Variants in L3MBTL4 observed in about 807,000 individuals in gnomAD.
The protein encoded by L3MBTL4 is lethal(3)malignant brain tumor-like protein 4.
L3MBTL4 carries 70 observed loss-of-function variants against 84.5 expected under a neutral mutation model. The observed-to-expected ratio is 0.83, with a 90% confidence interval of 0.68 to 1.01. The LOEUF is 1.01. L3MBTL4 is among the 50% of genes least tolerant of loss of function. L3MBTL4 has a pLI of 0.00. For synonymous variants in L3MBTL4, 274 were observed against 259.8 expected (o/e 1.05, Z -0.52); for missense variants, 715 against 754.8 (o/e 0.95, Z 0.62).
chr18:6,180,335 T>C (rs2044413114), intron 12 of L3MBTL4, among the ~76,000 whole-genome samples: 1 of 151,986 alleles, frequency 6.6e-6, no homozygotes, highest in African/African-American at 2.4e-5. Flanking sequence ...TGCCCCCAAT[T>C]TCCAGATGAC....
At chr18:6,066,916 CTTTG>C (rs1225845877) in intron 16 of L3MBTL4, among the ~76,000 whole-genome samples, 4 of 140,540 alleles carry the variant, frequency 2.8e-5, no homozygotes, top group Admixed American at 6.9e-5. Context: ...TGCCTAGATA[CTTTG>C]TTTTTTTTTT....
chr18:6,310,983 T>C (rs1206668232), intron 3 of L3MBTL4, among the ~76,000 whole-genome samples: 1 of 152,200 alleles, frequency 6.6e-6, no homozygotes, highest in Non-Finnish European at 1.5e-5. Flanking sequence ...GAAGGAATTC[T>C]GCCTGCAGAC....
At chr18:6,038,909 AG>A in intron 16 of L3MBTL4, among the ~76,000 whole-genome samples, 1 of 152,102 alleles carries the variant, frequency 6.6e-6, no homozygotes, top group Admixed American at 6.5e-5. Flanking sequence ...GAAGGAAATT[AG>A]GGGTTATATG....
intron 12 of L3MBTL4, among the ~76,000 whole-genome samples, chr18:6,207,759 TA>T (rs2045933188): frequency 6.6e-6 from 1 of 152,106 alleles, no homozygotes; most frequent in Admixed American, 6.5e-5. Flanking sequence ...AAAGGACATA[TA>T]TTTTTAATGT....
At chr18:6,313,372 A>G (rs906765119) in intron 1 of L3MBTL4, among the ~76,000 whole-genome samples, 3 of 152,238 alleles carry the variant, frequency 2.0e-5, no homozygotes, top group African/African-American at 7.2e-5. Flanking sequence ...TTCAAAGTTA[A>G]TTCCTTTCCC....
At chr18:6,295,344 C>CTATATATATATATATATA (rs1491551062) in intron 4 of L3MBTL4, among the ~76,000 whole-genome samples, 1 of 105,370 alleles carries the variant, frequency 9.5e-6, no homozygotes, top group African/African-American at 5.2e-5. Context: ...CTCTCTCTCT[C>CTATATATATATATATATA]TCTATATATA....
chr18:6,139,870 C>T (rs2060141915), intron 13 of L3MBTL4, among the ~76,000 whole-genome samples: 1 of 152,142 alleles, frequency 6.6e-6, no homozygotes, highest in South Asian at 2.1e-4. Context: ...CTTGGGCTTC[C>T]ACTATCTGCC....
At chr18:6,386,675 A>T (rs967269737) in intron 1 of L3MBTL4, among the ~76,000 whole-genome samples, 5 of 152,152 alleles carry the variant, frequency 3.3e-5, no homozygotes, top group Non-Finnish European at 5.9e-5. Flanking sequence ...CCCAGTAAGG[A>T]GAAGTGTAGA....
chr18:6,362,395 T>A lies in L3MBTL4; in HGVS notation c.-90-50339A>T, dbSNP rs569842871. 1.0e-3 allele frequency among the ~76,000 whole-genome samples: 155 copies of A among 152,224 alleles called. 1 individual carries two copies. The highest frequency in any genetic ancestry group is 3.6e-3 in the African/African-American group (151 of 41,548). ...GAGACCAGCACTAGGAGAGCTCACG[T>A]AGACCATCTTTATACTTTTGTCTGC... On this transcript the variant is annotated intron_variant, in intron 1 of 18. Coordinates refer to ENST00000317931, the MANE Select transcript of L3MBTL4 (RefSeq NM_001330559.2).
At chr18:6,096,274 T>TCTCTCTGG (rs1238358393) in intron 14 of L3MBTL4, among the ~76,000 whole-genome samples, 1 of 152,178 alleles carries the variant, frequency 6.6e-6, no homozygotes, top group African/African-American at 2.4e-5. Context: ...CATGAATCAG[T>TCTCTCTGG]CTCTCTGGTC....
chr18:6,377,586 T>C (rs1014932924), intron 1 of L3MBTL4, among the ~76,000 whole-genome samples: 1 of 152,170 alleles, frequency 6.6e-6, no homozygotes, highest in Non-Finnish European at 1.5e-5. Flanking sequence ...GGTTTTCTGT[T>C]CCTGTGTTAG....
intron 10 of L3MBTL4, among the ~76,000 whole-genome samples, chr18:6,228,213 T>C (rs569048080): frequency 1.1e-3 from 174 of 152,244 alleles, no homozygotes; most frequent in Non-Finnish European, 1.9e-3. Context: ...CAACTTGAAA[T>C]CCATATTCCA....
At chr18:6,379,142 G>C (rs1484926776) in intron 1 of L3MBTL4, among the ~76,000 whole-genome samples, 1 of 152,144 alleles carries the variant, frequency 6.6e-6, no homozygotes. Flanking sequence ...GTATAGGAAT[G>C]CTTGTGATTT....
At chr18:6,123,306 A>G (rs2059584631) in intron 14 of L3MBTL4, among the ~76,000 whole-genome samples, 2 of 152,196 alleles carry the variant, frequency 1.3e-5, no homozygotes, top group Non-Finnish European at 2.9e-5. Context: ...TCTCTTAAAC[A>G]ATATTGAGAT....
rs374219031 is a variant in L3MBTL4, at chr18:5,969,536, C to G, written c.1471G>C (p.Val491Leu). The change falls in exon 17 of 19, where the codon GTG becomes CTG. Residue 491 changes from valine to leucine, a missense_variant. Coordinates refer to ENST00000317931, the MANE Select transcript of L3MBTL4 (RefSeq NM_001330559.2). ...REYSVEQAQQVLHQSVSMSTV... is the reference protein window; with the variant it reads ...REYSVEQAQQLLHQSVSMSTV... Reference sequence around the variant, plus strand: ...GACATGGACACTGACTGGTGAAGCACCTGCTGCGCCTGCTCCACCGAGTAT... The same window carrying G: ...GACATGGACACTGACTGGTGAAGCAGCTGCTGCGCCTGCTCCACCGAGTAT... The G allele has an allele frequency of 6.2e-7, 1 of 1,609,302 alleles. No individual in the cohort carries two copies. The highest frequency in any genetic ancestry group is 1.3e-5 in the African/African-American group (1 of 74,876).
intron 16 of L3MBTL4, among the ~76,000 whole-genome samples, chr18:6,006,292 C>T (rs185254041): frequency 4.6e-5 from 7 of 152,030 alleles, no homozygotes; most frequent in Middle Eastern, 3.4e-3. Flanking sequence ...ACATGAGTTC[C>T]GACAATGGAG....
At chr18:6,353,301 AT>A (rs1334808136) in intron 1 of L3MBTL4, among the ~76,000 whole-genome samples, 1 of 151,676 alleles carries the variant, frequency 6.6e-6, no homozygotes, top group Non-Finnish European at 1.5e-5. Context: ...AAAAATGCTT[AT>A]TTGCTGCTCA....
intron 1 of L3MBTL4, among the ~76,000 whole-genome samples, chr18:6,408,052 G>T (rs927600711): frequency 6.6e-6 from 1 of 152,206 alleles, no homozygotes; most frequent in Admixed American, 6.5e-5. Context: ...GTGTCCATGA[G>T]TTGCACAAAC....
intron 1 of L3MBTL4, among the ~76,000 whole-genome samples, chr18:6,407,115 A>C (rs2055768693): frequency 6.6e-6 from 1 of 152,236 alleles, no homozygotes; most frequent in African/African-American, 2.4e-5. Flanking sequence ...CAGTTCTGAA[A>C]AGACGGACAA....
Sources: allele counts gnomAD v4.1 joint callset (sites outside exome capture counted in the v4.1 genomes callset), GRCh38; gene constraint gnomAD v4.1.1; transcripts MANE v1.5; gene names NCBI Gene and HGNC (gene_info 2026-07-23, HGNC 2026-07-21).